The following SLC26A5 variants were observed in gnomAD, a reference collection of about 807,000 sequenced individuals.
SLC26A5 encodes solute carrier family 26 member 5, also known as prestin.
Under a neutral mutation model 81.0 loss-of-function variants are expected in SLC26A5, and 51 were observed. The observed-to-expected ratio is 0.63, with a 90% CI of 0.50 to 0.80. The LOEUF (loss-of-function observed/expected upper bound fraction) is 0.80. Ranked by LOEUF, SLC26A5 falls within the 30% of genes least tolerant of loss-of-function variation. SLC26A5 has a pLI of 0.00. For missense variants in SLC26A5, 771 were observed against 905.8 expected, an observed-to-expected ratio of 0.85 and a Z score of 1.91; for synonymous variants, 325 against 332.8, an observed-to-expected ratio of 0.98 and a Z score of 0.25.
At chr7:103,397,104 G>GAA (rs771771741) in intron 9 of SLC26A5, among the ~76,000 whole-genome samples, 67 of 89,548 alleles carry the variant, frequency 7.5e-4, no homozygotes, top group African/African-American at 2.4e-3. Flanking sequence ...CAAAAAAAAA[G>GAA]AAAAAAAAAA....
chr7:103,428,558 CT>C (rs10592922), intron 2 of SLC26A5, among the ~76,000 whole-genome samples: 11,184 of 117,986 alleles, frequency 0.095, 292 homozygotes, highest in Non-Finnish European at 0.12. Flanking sequence ...CCTGCCAGTA[CT>C]TTTTTTTTTT....
intron 13 of SLC26A5, 93 bp from the exon 14 acceptor site, chr7:103,389,207 T>G (rs1563528712): frequency 8.3e-7 from 1 of 1,209,998 alleles, no homozygotes; most frequent in Non-Finnish European, 1.2e-6. Flanking sequence ...ATGCTACTTT[T>G]ACCTTGTCTA....
intron 19 of SLC26A5, among the ~76,000 whole-genome samples, chr7:103,353,358 G>C (rs1489063960): frequency 6.6e-6 from 1 of 152,084 alleles, no homozygotes; most frequent in Non-Finnish European, 1.5e-5. Flanking sequence ...CCAGGCTGGA[G>C]TGCGGTGATG....
At position 103,410,831 on chromosome 7, in the gene SLC26A5, A is replaced by C. The variant is rs941632771; in HGVS notation, c.571-282T>G. ...TTTTTAGTAGACACGGGGTTTCACTATGTTGCCCAGGGTGGTCTCGAACTC... is the reference window on the plus strand; with the variant it reads ...TTTTTAGTAGACACGGGGTTTCACTCTGTTGCCCAGGGTGGTCTCGAACTC... On this transcript the variant is annotated intron_variant, in intron 6 of 19. Coordinates refer to ENST00000306312, the MANE Select transcript of SLC26A5 (RefSeq NM_198999.3). Among the ~76,000 whole-genome samples, 20 of 151,894 alleles carry C rather than the reference A, an allele frequency of 1.3e-4. 1 individual carries two copies. Among genetic ancestry groups the C allele is most frequent in the Admixed American group, 6.6e-5 (1 of 15,246 alleles).
intron 2 of SLC26A5, among the ~76,000 whole-genome samples, chr7:103,434,586 C>G (rs1457159626): frequency 1.3e-5 from 2 of 152,146 alleles, no homozygotes; most frequent in Non-Finnish European, 2.9e-5. Context: ...TGTCTCTCCT[C>G]TTTTCTAGCA....
In SLC26A5 at chr7:103,429,384, G is replaced by T. The variant is rs1176370266; in HGVS notation, c.-53-7817C>A. 2.6e-5 allele frequency among the ~76,000 whole-genome samples: 4 copies of T among 152,036 alleles called. No individual in the cohort carries two copies. The East Asian group carries it at 7.7e-4, about 29-fold the overall frequency. Reference sequence around the variant, plus strand: ...TACGTCTTTCACATGACTTCTCTATGGGCCTCAATATAAACAACAAAAATA... The same window carrying T: ...TACGTCTTTCACATGACTTCTCTATTGGCCTCAATATAAACAACAAAAATA... On this transcript the variant is annotated intron_variant, in intron 2 of 19. Coordinates refer to ENST00000306312, the MANE Select transcript of SLC26A5 (RefSeq NM_198999.3).
intron 9 of SLC26A5, 89 bp from the exon 10 acceptor site, chr7:103,393,155 G>T (rs1453695472): frequency 1.4e-6 from 2 of 1,465,708 alleles, no homozygotes; most frequent in African/African-American, 1.4e-5. Flanking sequence ...TTTTAGGGGG[G>T]CATTATCTGC....
chr7:103,417,778 T>C (rs941514833), intron 4 of SLC26A5, among the ~76,000 whole-genome samples: 2 of 152,200 alleles, frequency 1.3e-5, no homozygotes, highest in African/African-American at 4.8e-5. Flanking sequence ...GATGGAGTTT[T>C]GCTCTTGTCA....
intron 14 of SLC26A5, among the ~76,000 whole-genome samples, chr7:103,386,689 A>G (rs1356421288): frequency 6.6e-6 from 1 of 152,188 alleles, no homozygotes; most frequent in Non-Finnish European, 1.5e-5. Flanking sequence ...TCAGTAAAAA[A>G]AACAAAAAAC....
At chr7:103,398,045 A>G in intron 8 of SLC26A5, 31 bp from the exon 9 acceptor site, 1 of 1,549,462 alleles carries the variant, frequency 6.5e-7, no homozygotes, top group Non-Finnish European at 8.9e-7. Context: ...ATGCACCTTT[A>G]GAGATGAATG....
intron 8 of SLC26A5, among the ~76,000 whole-genome samples, chr7:103,404,917 C>T (rs189768177): frequency 6.6e-6 from 1 of 152,026 alleles, no homozygotes; most frequent in East Asian, 1.9e-4. Flanking sequence ...CTTGTCTTTA[C>T]ACTATATTTC....
intron 4 of SLC26A5, among the ~76,000 whole-genome samples, chr7:103,415,015 T>C (rs555416695): frequency 7.2e-5 from 11 of 152,336 alleles, no homozygotes; most frequent in Non-Finnish European, 1.2e-4. Context: ...TAGCTTGGGA[T>C]AGATTGACTG....
chr7:103,421,516 G>A lies in SLC26A5; in HGVS notation c.-2C>T. 2 of 1,613,902 alleles carry A rather than the reference G, an allele frequency of 1.2e-6. No homozygotes were observed. The highest frequency in any genetic ancestry group is 1.1e-5 in the South Asian group (1 of 91,068). ...TTCATTTTCTTCAGCATGATCCATA[G>A]TACTCTGAAATTATTCCTTAACAGC... On this transcript the variant is annotated 5_prime_UTR_variant, in exon 3 of 20. Coordinates refer to ENST00000306312, the MANE Select transcript of SLC26A5 (RefSeq NM_198999.3).
chr7:103,393,107 A>G, intron 9 of SLC26A5, 41 bp from the exon 10 acceptor site: 2 of 1,612,528 alleles, frequency 1.2e-6, no homozygotes, highest in South Asian at 1.1e-5. Flanking sequence ...TGTGACCACA[A>G]GGGAAAAGAA....
At chr7:103,397,312 C>A (rs1341195690) in intron 9 of SLC26A5, among the ~76,000 whole-genome samples, 1 of 151,446 alleles carries the variant, frequency 6.6e-6, no homozygotes, top group Non-Finnish European at 1.5e-5. Flanking sequence ...AAGGCCAAGG[C>A]GGGTGGATCA....
At chr7:103,379,862 C>T (rs1388002741) in intron 15 of SLC26A5, among the ~76,000 whole-genome samples, 1 of 152,108 alleles carries the variant, frequency 6.6e-6, no homozygotes, top group Non-Finnish European at 1.5e-5. Context: ...AGCAATGTTG[C>T]ATATACTTCT....
chr7:103,434,697 G>A (rs2116828951), intron 2 of SLC26A5, among the ~76,000 whole-genome samples: 1 of 152,134 alleles, frequency 6.6e-6, no homozygotes, highest in African/African-American at 2.4e-5. Flanking sequence ...TATTGCCCAG[G>A]CTGGAGTGCA....
intron 2 of SLC26A5, among the ~76,000 whole-genome samples, chr7:103,437,583 G>A (rs1826543455): frequency 6.6e-6 from 1 of 152,196 alleles, no homozygotes; most frequent in Non-Finnish European, 1.5e-5. Context: ...CATAGACACA[G>A]TGAAATATGA....
chr7:103,393,081 T>C lies in SLC26A5; in HGVS notation c.972-15A>G. ...GAGGTAGCAGCCTGAAAAGTCAAGC[T>C]GCCTTTAACTTGTGTTGTGACCACA... On this transcript the variant is annotated splice_polypyrimidine_tract_variant and intron_variant, in intron 9 of 19. Coordinates refer to ENST00000306312, the MANE Select transcript of SLC26A5 (RefSeq NM_198999.3). 13 of 1,613,812 alleles carry C rather than the reference T, an allele frequency of 8.1e-6. No homozygotes were observed. Among genetic ancestry groups the C allele is most frequent in the Non-Finnish European group, 1.1e-5 (13 of 1,179,790 alleles).
Sources: gnomAD v4.1 joint callset for allele counts (sites outside exome capture counted in the v4.1 genomes callset) on GRCh38, gnomAD v4.1.1 for gene constraint, MANE v1.5 for transcripts, NCBI Gene and HGNC (gene_info 2026-07-23, HGNC 2026-07-21) for gene names.